HSD17B6: variants seen among roughly 807,000 people sequenced by gnomAD.
HSD17B6 encodes hydroxysteroid 17-beta dehydrogenase 6, also known as 17-beta-hydroxysteroid dehydrogenase type 6.
In HSD17B6, 16 loss-of-function variants were observed where a neutral mutation model predicts 26.4. That is an observed-to-expected ratio of 0.61 (90% confidence interval 0.41 to 0.92). The LOEUF (loss-of-function observed/expected upper bound fraction) is 0.92. Among genes scored for constraint, HSD17B6 ranks in the 40% least tolerant of loss-of-function variants. The pLI, the probability that HSD17B6 is intolerant of heterozygous loss-of-function variation, is 0.00. For synonymous variants in HSD17B6, 139 were observed against 153.0 expected (o/e 0.91, Z 0.68); for missense variants, 357 against 386.1 (o/e 0.92, Z 0.63).
Position 56,785,958 on chromosome 12 carries a change from G to A in HSD17B6, c.736+942G>A, listed in dbSNP as rs563850007. On this transcript the variant is annotated intron_variant, in intron 4 of 4. Coordinates refer to ENST00000322165, the MANE Select transcript of HSD17B6 (RefSeq NM_003725.4). ...CAATTTCCTATAAGAATATTATTCTGAAGACCTGGAGGAGGAGGTAGCAGC... is the reference window on the plus strand; with the variant it reads ...CAATTTCCTATAAGAATATTATTCTAAAGACCTGGAGGAGGAGGTAGCAGC... 1.1e-5 allele frequency: 11 copies of A among 985,218 alleles called. No homozygotes were observed. The South Asian group carries it at 4.2e-4, about 38-fold the overall frequency. 61.0% of individuals were successfully genotyped at this position (985,218 alleles called of 1,614,324 possible).
At chr12:56,775,417 G>A (rs533508953) in intron 2 of HSD17B6, among the ~76,000 whole-genome samples, 18 of 152,034 alleles carry the variant, frequency 1.2e-4, no homozygotes, top group African/African-American at 4.3e-4. Context: ...GCAGAAACAC[G>A]GTCTTGGTAT....
intron 3 of HSD17B6, among the ~76,000 whole-genome samples, chr12:56,783,056 C>T (rs943078641): frequency 2.4e-4 from 37 of 152,328 alleles, no homozygotes; most frequent in Non-Finnish European, 3.7e-4. Flanking sequence ...TACACAGACA[C>T]GGCAACCATC....
At chr12:56,773,714 A>T in intron 1 of HSD17B6, 120 bp from the exon 2 acceptor site, 1 of 936,420 alleles carries the variant, frequency 1.1e-6, no homozygotes, top group Non-Finnish European at 1.5e-6. Context: ...GGGTAGGACT[A>T]AGTATTAATC....
intron 1 of HSD17B6, among the ~76,000 whole-genome samples, chr12:56,772,032 T>C (rs1954484863): frequency 6.6e-6 from 1 of 152,168 alleles, no homozygotes; most frequent in African/African-American, 2.4e-5. Flanking sequence ...TCCCCAGCCA[T>C]GTGGAACTGT....
At position 56,782,375 on chromosome 12, in the gene HSD17B6, C is replaced by G. The variant is rs1410225465; in HGVS notation, c.572+143C>G. On this transcript the variant is annotated intron_variant, in intron 3 of 4. Coordinates refer to ENST00000322165, the MANE Select transcript of HSD17B6 (RefSeq NM_003725.4). The stretch of plus-strand genomic sequence containing the variant: ...TTACTAGTCTATTTTATATAGCTAA[C>G]AGGCTCAAATTTTCTCATCTGTCCC... 3 of 879,512 alleles carry G rather than the reference C, an allele frequency of 3.4e-6. No homozygotes were observed. The African/African-American group carries it at 5.1e-5, about 15-fold the overall frequency. The allele number at this position is 879,512 out of a possible 1,614,324, so 54.5% of individuals were successfully genotyped here.
chr12:56,778,293 T>C (rs1954634813), intron 2 of HSD17B6, among the ~76,000 whole-genome samples: 2 of 152,280 alleles, frequency 1.3e-5, no homozygotes, highest in Middle Eastern at 3.4e-3. Flanking sequence ...TCTTTTTTGT[T>C]TTTTCTTTCT....
At chr12:56,764,538 T>C (rs1353073144) in intron 1 of HSD17B6, among the ~76,000 whole-genome samples, 4 of 152,190 alleles carry the variant, frequency 2.6e-5, no homozygotes, top group Non-Finnish European at 5.9e-5. Flanking sequence ...TTTCCTTCTA[T>C]GAAAGCTCAG....
At chr12:56,785,734 G>A (rs1229920413) in intron 4 of HSD17B6, among the ~76,000 whole-genome samples, 1 of 144,734 alleles carries the variant, frequency 6.9e-6, no homozygotes, top group Non-Finnish European at 1.5e-5. Context: ...CTCAACTAAA[G>A]TGCAGTCTTC....
intron 1 of HSD17B6, among the ~76,000 whole-genome samples, chr12:56,773,127 G>C (rs1298085935): frequency 5.3e-5 from 8 of 152,112 alleles, no homozygotes; most frequent in Non-Finnish European, 8.8e-5. Flanking sequence ...GATTGGTCTA[G>C]GTTTACAAAT....
intron 2 of HSD17B6, among the ~76,000 whole-genome samples, chr12:56,774,448 G>A (rs868070109): frequency 2.0e-5 from 3 of 152,292 alleles, no homozygotes; most frequent in South Asian, 2.1e-4. Context: ...TAGGGCAGCC[G>A]TCCCCAGCCT....
intron 1 of HSD17B6, among the ~76,000 whole-genome samples, chr12:56,768,893 G>C (rs1954404961): frequency 1.3e-5 from 2 of 151,934 alleles, no homozygotes; most frequent in Non-Finnish European, 2.9e-5. Context: ...AAGGCTTTGG[G>C]GTGCTAGTGA....
chr12:56,765,552 C>A (rs1019736680), intron 1 of HSD17B6, among the ~76,000 whole-genome samples: 1 of 151,780 alleles, frequency 6.6e-6, no homozygotes, highest in African/African-American at 2.4e-5. Context: ...GGATAGAGTG[C>A]GGTAGTGCAA....
chr12:56,785,902 G>A (rs1954863629), intron 4 of HSD17B6: 1 of 974,254 alleles, frequency 1.0e-6, no homozygotes, highest in African/African-American at 1.8e-5. Flanking sequence ...TCTTGTTCAG[G>A]TGATAGGAGC....
Position 56,782,125 on chromosome 12 carries a change from A to C in HSD17B6, c.465A>C (p.Ala155=). ...GCATGCTTCCTTTGGTGAGGAGAGC[A>C]CGGGGAAGAATTGTCAATGTCTCCA... is the stretch of plus-strand genomic sequence containing the variant. The part of the protein sequence containing the change: ...TLSMLPLVRR[A]RGRIVNVSSI... Residue 155 remains alanine (A), a synonymous_variant, in exon 3 of 5, where the codon GCA becomes GCC. Coordinates refer to ENST00000322165, the MANE Select transcript of HSD17B6 (RefSeq NM_003725.4). 1.2e-6 allele frequency: 2 copies of C among 1,614,188 alleles called. No individual in the cohort carries two copies. The highest frequency in any genetic ancestry group is 1.7e-6 in the Non-Finnish European group (2 of 1,180,038).
At chr12:56,767,650 T>C (rs1032218053) in intron 1 of HSD17B6, among the ~76,000 whole-genome samples, 20 of 144,828 alleles carry the variant, frequency 1.4e-4, no homozygotes, top group African/African-American at 5.0e-4. Context: ...ATATATTATA[T>C]ATATTATATA....
chr12:56,787,071 C>T (rs4277148), intron 4 of HSD17B6, 54 bp from the exon 5 acceptor site: 369,660 of 1,386,304 alleles, frequency 0.27, 50,687 homozygotes, highest in East Asian at 0.3. Context: ...ACTGCATGAT[C>T]TTAAAAATAT....
chr12:56,778,072 C>G (rs1003269999), intron 2 of HSD17B6, among the ~76,000 whole-genome samples: 10 of 152,158 alleles, frequency 6.6e-5, no homozygotes, highest in Non-Finnish European at 1.5e-4. Context: ...GGCACCTTGC[C>G]TGGTACATGT....
intron 4 of HSD17B6, among the ~76,000 whole-genome samples, chr12:56,786,384 G>A (rs1277452647): frequency 6.6e-6 from 1 of 151,700 alleles, no homozygotes; most frequent in Non-Finnish European, 1.5e-5. Flanking sequence ...TGAGTAACTG[G>A]GACTACAGGC....
At chr12:56,783,859 A>T (rs1954805316) in intron 3 of HSD17B6, among the ~76,000 whole-genome samples, 2 of 151,496 alleles carry the variant, frequency 1.3e-5, no homozygotes, top group Non-Finnish European at 2.9e-5. Flanking sequence ...TGCCGGGCGG[A>T]GACGCTCCTC....
Sources: gnomAD v4.1 joint callset for allele counts (sites outside exome capture counted in the v4.1 genomes callset) on GRCh38, gnomAD v4.1.1 for gene constraint, MANE v1.5 for transcripts, NCBI Gene and HGNC (gene_info 2026-07-23, HGNC 2026-07-21) for gene names.